AP2A2: variants seen among roughly 807,000 people sequenced by gnomAD.
AP2A2 encodes the protein AP-2 complex subunit alpha-2.
Under a neutral mutation model 104.2 loss-of-function variants are expected in AP2A2, and 32 were observed. The ratio of observed to expected loss-of-function variants is 0.31; its 90% CI spans 0.23 to 0.41. The LOEUF is 0.41. Ranked by LOEUF, AP2A2 falls within the 10% of genes least tolerant of loss-of-function variation. The pLI, the probability that AP2A2 is intolerant of heterozygous loss-of-function variation, is 1.00. For missense variants in AP2A2, 912 were observed against 1,261.0 expected (o/e 0.72, Z 4.19); for synonymous variants, 539 against 533.3 (o/e 1.01, Z -0.15).
chr11:989,098 G>A (rs796585597), intron 10 of AP2A2, among the ~76,000 whole-genome samples: 2 of 152,348 alleles, frequency 1.3e-5, no homozygotes, highest in African/African-American at 4.8e-5. Context: ...AAGGCGGGCG[G>A]ATCACCTGAG....
At chr11:1,005,556 A>G (rs979939581) in intron 16 of AP2A2, among the ~76,000 whole-genome samples, 4 of 152,254 alleles carry the variant, frequency 2.6e-5, no homozygotes, top group African/African-American at 9.6e-5. Flanking sequence ...AATGCTGTGC[A>G]CGGAACCCTG....
intron 1 of AP2A2, among the ~76,000 whole-genome samples, chr11:928,562 G>C (rs1188098227): frequency 6.6e-6 from 1 of 152,248 alleles, no homozygotes; most frequent in African/African-American, 2.4e-5. Context: ...GTGGGGAACT[G>C]TTCTGTGCCT....
rs1855421620 is a variant in AP2A2, at chr11:985,530, G to A, written c.910G>A (p.Ala304Thr). The change falls in exon 8 of 22, where the codon GCG becomes ACG. Residue 304 changes from alanine (A) to threonine (T), a missense_variant. Ala to Thr is a moderately conservative substitution (Grantham distance 58, BLOSUM62 0). Coordinates refer to ENST00000448903, the MANE Select transcript of AP2A2 (RefSeq NM_012305.4). ...GTCGAAGAAGGTCCAGCACTCCAACGCGAAGAATGCCGTGCTCTTCGAGGC... is the reference window on the plus strand; with the variant it reads ...GTCGAAGAAGGTCCAGCACTCCAACACGAAGAATGCCGTGCTCTTCGAGGC... ...PKSKKVQHSN[A>T]KNAVLFEAIS... 6.2e-7 allele frequency: 1 copy of A among 1,613,932 alleles called. No homozygotes were observed. Among genetic ancestry groups the A allele is most frequent in the Non-Finnish European group, 8.5e-7 (1 of 1,179,886 alleles).
intron 1 of AP2A2, among the ~76,000 whole-genome samples, chr11:945,355 G>A (rs1293680799): frequency 2.0e-5 from 3 of 152,048 alleles, no homozygotes; most frequent in Admixed American, 6.5e-5. Context: ...ATTTTTTTGA[G>A]ATGGAATCTC....
At chr11:986,043 G>C (rs1240406907) in intron 8 of AP2A2, among the ~76,000 whole-genome samples, 1 of 152,256 alleles carries the variant, frequency 6.6e-6, no homozygotes, top group Non-Finnish European at 1.5e-5. Context: ...TGGAGGGTCT[G>C]CCTCCTCTGC....
At chr11:981,698 GT>G (rs2133693544) in intron 6 of AP2A2, among the ~76,000 whole-genome samples, 2 of 152,376 alleles carry the variant, frequency 1.3e-5, no homozygotes, top group Non-Finnish European at 2.9e-5. Context: ...TAAAATTTTT[GT>G]TTTGTGTGCA....
chr11:970,696 G>A (rs1197982008), intron 3 of AP2A2, among the ~76,000 whole-genome samples: 1 of 152,264 alleles, frequency 6.6e-6, no homozygotes, highest in Non-Finnish European at 1.5e-5. Flanking sequence ...TTGGTGCTCT[G>A]TGCCCATGAG....
In AP2A2 at chr11:993,692, G is replaced by A. The variant is rs1855742541; in HGVS notation, c.1551-62G>A. Reference sequence around the variant, plus strand: ...GTCTCGCCGCCGTCCCCCCCCCGCGGGGGCGTGCTGCAGCCTGCGAGGGGA... The same window carrying A: ...GTCTCGCCGCCGTCCCCCCCCCGCGAGGGCGTGCTGCAGCCTGCGAGGGGA... On this transcript the variant is annotated intron_variant, in intron 12 of 21. Coordinates refer to ENST00000448903, the MANE Select transcript of AP2A2 (RefSeq NM_012305.4). This position sits in a 1 kb window ranked among gnomAD's most constrained non-coding sequence, Gnocchi z 8.2. 4 of 1,336,320 alleles carry A rather than the reference G, an allele frequency of 3.0e-6. No homozygotes were observed. In the South Asian group the frequency reaches 4.0e-5, roughly 13 times the overall value. The allele number at this position is 1,336,320 out of a possible 1,614,324, so 82.8% of individuals were successfully genotyped here. A position where few individuals can be genotyped will look rare whatever the true frequency, so the allele number is the denominator to read the frequency against.
intron 3 of AP2A2, among the ~76,000 whole-genome samples, chr11:970,934 T>C (rs2134622121): frequency 6.6e-6 from 1 of 152,374 alleles, no homozygotes; most frequent in Admixed American, 6.5e-5. Context: ...CTTCTTGGGC[T>C]CTGCACGTTG....
Position 986,634 on chromosome 11 carries a change from G to C in AP2A2, c.963-151G>C. The C allele has an allele frequency of 4.2e-6, 4 of 945,444 alleles. 1 individual carries two copies. In the South Asian group the frequency reaches 6.5e-5, roughly 15 times the overall value. 58.6% of individuals were successfully genotyped at this position (945,444 alleles called of 1,614,324 possible). A position where few individuals can be genotyped will look rare whatever the true frequency, so the allele number is the denominator to read the frequency against. Reference sequence around the variant, plus strand: ...TCGGGCGTCATCTGCATCTGGGGAGGCCCCCGAGTTCCCACTTGAGCAGTG... The same window carrying C: ...TCGGGCGTCATCTGCATCTGGGGAGCCCCCCGAGTTCCCACTTGAGCAGTG... On this transcript the variant is annotated intron_variant, in intron 8 of 21. Coordinates refer to ENST00000448903, the MANE Select transcript of AP2A2 (RefSeq NM_012305.4).
rs371530844 is a variant in AP2A2, at chr11:952,573, A to G, written c.68-6864A>G. 5.3e-5 allele frequency among the ~76,000 whole-genome samples: 8 copies of G among 152,330 alleles called. No individual in the cohort carries two copies. The East Asian group carries it at 9.6e-4, about 18-fold the overall frequency. On this transcript the variant is annotated intron_variant, in intron 1 of 21. Coordinates refer to ENST00000448903, the MANE Select transcript of AP2A2 (RefSeq NM_012305.4). ...ACTGCGAGAATTCCCTGATGCAAGTACAGTACCCTTAGTGCTGATGGGCTG... is the reference window on the plus strand; with the variant it reads ...ACTGCGAGAATTCCCTGATGCAAGTGCAGTACCCTTAGTGCTGATGGGCTG...
intron 1 of AP2A2, among the ~76,000 whole-genome samples, chr11:937,862 T>G (rs935354968): frequency 2.0e-5 from 3 of 152,266 alleles, no homozygotes; most frequent in South Asian, 4.2e-4. Context: ...ATAAGGAAAC[T>G]GTGGCGTGGA....
chr11:1,000,631 A>C (rs1856001993), intron 15 of AP2A2, 33 bp downstream of exon 15: 4 of 1,528,938 alleles, frequency 2.6e-6, no homozygotes, highest in Non-Finnish European at 3.5e-6. Context: ...GCAGACAGGC[A>C]CGGGGCTGCC....
At position 959,458 on chromosome 11, in the gene AP2A2, TA is replaced by T; in HGVS notation, c.94del (p.Arg32GlyfsTer2). On this transcript the variant is annotated frameshift_variant, in exon 2 of 22. Coordinates refer to ENST00000448903, the MANE Select transcript of AP2A2 (RefSeq NM_012305.4). LOFTEE classifies it high-confidence loss of function. ...TTAGGTAAAAGTAAAGAAGCAGAAA[TA>T]AAAAGGATAAACAAGGAACTGGCAA... ...IRNCKSKEAE[I>X]KRINKELANI... 6.4e-7 allele frequency: 1 copy of T among 1,552,308 alleles called. No individual in the cohort carries two copies. The highest frequency in any genetic ancestry group is 8.9e-7 in the Non-Finnish European group (1 of 1,129,132).
intron 1 of AP2A2, among the ~76,000 whole-genome samples, chr11:958,451 T>C (rs1022804550): frequency 1.4e-4 from 21 of 152,248 alleles, no homozygotes; most frequent in African/African-American, 4.8e-4. Flanking sequence ...TGCTTTCAAA[T>C]GAGACACATG....
At chr11:999,619 ATG>A in intron 14 of AP2A2, among the ~76,000 whole-genome samples, 1 of 151,640 alleles carries the variant, frequency 6.6e-6, no homozygotes, top group African/African-American at 2.4e-5. Context: ...GTGGGGCACC[ATG>A]CCCAGCCAAA....
At chr11:967,855 T>C (rs912169124) in intron 2 of AP2A2, among the ~76,000 whole-genome samples, 8 of 152,232 alleles carry the variant, frequency 5.3e-5, no homozygotes, top group African/African-American at 1.9e-4. Context: ...AGACAGATAT[T>C]ACTGTTATCC....
At chr11:987,798 C>A (rs1403728306) in intron 9 of AP2A2, among the ~76,000 whole-genome samples, 1 of 152,248 alleles carries the variant, frequency 6.6e-6, no homozygotes, top group Non-Finnish European at 1.5e-5. Flanking sequence ...GTCACCGGTG[C>A]ACATGCGTTA....
intron 14 of AP2A2, among the ~76,000 whole-genome samples, chr11:997,221 C>T (rs879520114): frequency 3.9e-5 from 6 of 152,144 alleles, no homozygotes; most frequent in Admixed American, 1.3e-4. Context: ...TTACTTCTTC[C>T]GAGCATCCTC....
Sources: allele counts gnomAD v4.1 joint callset (sites outside exome capture counted in the v4.1 genomes callset), GRCh38; gene constraint gnomAD v4.1.1; non-coding constraint Gnocchi (gnomAD v3.1); transcripts MANE v1.5; gene names NCBI Gene and HGNC (gene_info 2026-07-23, HGNC 2026-07-21).